The following DLG1 variants were observed in gnomAD, a reference collection of about 807,000 sequenced individuals.
DLG1 encodes the protein discs large MAGUK scaffold protein 1.
A neutral mutation model predicts 123.4 loss-of-function variants in DLG1; 42 were observed. The observed-to-expected ratio is 0.34, with a 90% CI of 0.27 to 0.44. The LOEUF (loss-of-function observed/expected upper bound fraction) is 0.44. Among genes scored for constraint, DLG1 ranks in the 20% least tolerant of loss-of-function variants. The probability of loss-of-function intolerance (pLI) is 1.00; values close to 1 mark genes in which losing one functional copy is unlikely to be tolerated. For missense variants in DLG1, 942 were observed against 1,082.6 expected, an observed-to-expected ratio of 0.87 and a Z score of 1.82; for synonymous variants, 317 against 356.2, an observed-to-expected ratio of 0.89 and a Z score of 1.24.
chr3:197,179,605 A>C (rs1036436066), intron 5 of DLG1, among the ~76,000 whole-genome samples: 3 of 152,156 alleles, frequency 2.0e-5, no homozygotes, highest in African/African-American at 7.2e-5. Context: ...AAATGATATA[A>C]AAATAAGCTA....
intron 4 of DLG1, chr3:197,226,369 A>G (rs1739935001): frequency 6.6e-6 from 1 of 152,196 alleles, no homozygotes; most frequent in Non-Finnish European, 1.5e-5. Flanking sequence ...CAACTCGAGC[A>G]GAGCCACTAT....
intron 5 of DLG1, among the ~76,000 whole-genome samples, chr3:197,165,951 C>G (rs77578222): frequency 0.041 from 6,314 of 152,220 alleles, 181 homozygotes; most frequent in Non-Finnish European, 0.054. Context: ...GTGCAGATGA[C>G]CTCCTGAATA....
intron 13 of DLG1, among the ~76,000 whole-genome samples, chr3:197,109,106 A>C: frequency 6.6e-6 from 1 of 152,174 alleles, no homozygotes; most frequent in Non-Finnish European, 1.5e-5. Context: ...AATCCCAGTG[A>C]CTCAGGTGGC....
In DLG1 at chr3:197,176,938, T is replaced by TTAG. The variant is rs1373912552; in HGVS notation, c.483+17486_483+17487insCTA. On this transcript the variant is annotated intron_variant, in intron 5 of 24. Coordinates refer to ENST00000667157, the MANE Select transcript of DLG1 (RefSeq NM_001366207.1). ...TCTATGCTTTTCTAGAGTGTCCTAT[T>TTAG]GAACAAATGATATAAATTTTATTTT... 5.3e-5 allele frequency among the ~76,000 whole-genome samples: 8 copies of TTAG among 152,032 alleles called. No individual in the cohort carries two copies. The South Asian group carries it at 8.3e-4, about 16-fold the overall frequency.
At chr3:197,221,875 GA>G in intron 4 of DLG1, among the ~76,000 whole-genome samples, 1 of 152,274 alleles carries the variant, frequency 6.6e-6, no homozygotes, top group South Asian at 2.1e-4. Context: ...ACCTCCCAAA[GA>G]GACCAAAATC....
At chr3:197,167,101 G>A (rs1577381986) in intron 5 of DLG1, among the ~76,000 whole-genome samples, 1 of 152,096 alleles carries the variant, frequency 6.6e-6, no homozygotes, top group South Asian at 2.1e-4. Context: ...GGAACAATCT[G>A]TAACTCAATG....
At chr3:197,060,752 GTATT>G (rs1365446996) in intron 22 of DLG1, among the ~76,000 whole-genome samples, 2 of 152,206 alleles carry the variant, frequency 1.3e-5, no homozygotes, top group East Asian at 3.8e-4. Flanking sequence ...GTTAAGCATA[GTATT>G]TATTATTTAT....
intron 5 of DLG1, among the ~76,000 whole-genome samples, chr3:197,168,227 C>T (rs1802366490): frequency 6.6e-6 from 1 of 152,242 alleles, no homozygotes; most frequent in South Asian, 2.1e-4. Flanking sequence ...ACCCATCCCC[C>T]TCTCTACAGG....
intron 10 of DLG1, 110 bp downstream of exon 10, chr3:197,136,432 C>A: frequency 1.2e-6 from 1 of 810,374 alleles, no homozygotes; most frequent in Non-Finnish European, 1.9e-6. Flanking sequence ...CTAGTATTTG[C>A]TAATTTAAAC....
At position 197,207,872 on chromosome 3, in the gene DLG1, C is replaced by A. The variant is rs577269666; in HGVS notation, c.319-13283G>T. 5.9e-4 allele frequency among the ~76,000 whole-genome samples: 86 copies of A among 144,876 alleles called. 10 individuals carry two copies. The highest frequency in any genetic ancestry group is 1.0e-3 in the Non-Finnish European group (67 of 64,672). ...AACACAAGATTCTTCTAGAGAAATT[C>A]TTTTATAACTATAACAAAGACCTAT... On this transcript the variant is annotated intron_variant, in intron 4 of 24. Coordinates refer to ENST00000667157, the MANE Select transcript of DLG1 (RefSeq NM_001366207.1).
chr3:197,134,638 A>T (rs374411808), intron 10 of DLG1, among the ~76,000 whole-genome samples: 2 of 152,196 alleles, frequency 1.3e-5, no homozygotes, highest in Non-Finnish European at 2.9e-5. Flanking sequence ...TGACTATTAT[A>T]CTACTTTCAT....
chr3:197,265,763 T>TA (rs1414973216), intron 4 of DLG1, among the ~76,000 whole-genome samples: 1 of 152,054 alleles, frequency 6.6e-6, no homozygotes, highest in Non-Finnish European at 1.5e-5. Flanking sequence ...TGAAAAAGCT[T>TA]AAAAGCAGCC....
At chr3:197,130,353 T>C (rs943522102) in intron 11 of DLG1, among the ~76,000 whole-genome samples, 174 bp downstream of exon 11, 18 of 152,196 alleles carry the variant, frequency 1.2e-4, no homozygotes, top group African/African-American at 4.1e-4. Context: ...CTTCTAATTA[T>C]AAAAATTTTG....
In DLG1 at chr3:197,289,341, T is replaced by TACACACACACAC. The variant is rs56319334; in HGVS notation, c.152-6508_152-6497dup. ...GGGGGGTGGCGTGTATACACGCGCA[T>TACACACACACAC]ACACACACACACACACACACACACA... On this transcript the variant is annotated intron_variant, in intron 3 of 24. Transcript: ENST00000667157. Among the ~76,000 whole-genome samples the TACACACACACAC allele has an allele frequency of 7.3e-3, 1,091 of 150,384 alleles. 7 individuals are homozygous for TACACACACACAC. Among genetic ancestry groups the TACACACACACAC allele is most frequent in the African/African-American group, 0.011 (452 of 40,954 alleles).
intron 13 of DLG1, among the ~76,000 whole-genome samples, chr3:197,109,840 A>G (rs1263390893): frequency 6.6e-6 from 1 of 152,122 alleles, no homozygotes; most frequent in Admixed American, 6.5e-5. Context: ...TCTGACCTCC[A>G]TGGTTTCTGA....
intron 18 of DLG1, among the ~76,000 whole-genome samples, chr3:197,072,978 T>C (rs752553673): frequency 1.3e-5 from 2 of 152,200 alleles, no homozygotes; most frequent in Non-Finnish European, 2.9e-5. Context: ...ATTACAGGCG[T>C]GAGTCACCGC....
At position 197,220,487 on chromosome 3, in the gene DLG1, G is replaced by A. The variant is rs78185422; in HGVS notation, c.319-25898C>T. ...GAAAAGGCTAATAATATATATCACA[G>A]TGTAGTTCTAAATGGATATAGGAGA... On this transcript the variant is annotated intron_variant, in intron 4 of 24. Coordinates refer to ENST00000667157, the MANE Select transcript of DLG1 (RefSeq NM_001366207.1). Among the ~76,000 whole-genome samples the A allele has an allele frequency of 1.1e-3, 160 of 152,210 alleles. 2 individuals carry two copies. In the East Asian group the frequency reaches 0.028, roughly 26 times the overall value.
chr3:197,282,560 T>C (rs1769901346), intron 4 of DLG1, 119 bp downstream of exon 4: 4 of 662,092 alleles, frequency 6.0e-6, no homozygotes, highest in African/African-American at 1.9e-5. Context: ...CTATTATAAA[T>C]TATACTTCCA....
intron 4 of DLG1, among the ~76,000 whole-genome samples, chr3:197,199,671 C>G (rs1033829315): frequency 1.2e-4 from 19 of 152,064 alleles, no homozygotes; most frequent in African/African-American, 3.9e-4. Context: ...GCTTTCAGGG[C>G]CATCATTACA....
Sources: gnomAD v4.1 joint callset for allele counts (sites outside exome capture counted in the v4.1 genomes callset) on GRCh38, gnomAD v4.1.1 for gene constraint, MANE v1.5 for transcripts, NCBI Gene and HGNC (gene_info 2026-07-23, HGNC 2026-07-21) for gene names.